NOS1AP: variants seen among roughly 807,000 people sequenced by gnomAD.
The protein encoded by NOS1AP is carboxyl-terminal PDZ ligand of neuronal nitric oxide synthase protein.
Under a neutral mutation model 56.2 loss-of-function variants are expected in NOS1AP, and 21 were observed. The ratio of observed to expected loss-of-function variants is 0.37; its 90% confidence interval spans 0.26 to 0.54. The LOEUF is 0.54. NOS1AP is among the 20% of genes least tolerant of loss of function. The pLI is 0.84. For missense variants in NOS1AP, 522 were observed against 657.8 expected (o/e 0.79, Z 2.26); for synonymous variants, 270 against 274.6 (o/e 0.98, Z 0.17).
At chr1:162,211,551 A>AT (rs1652348159) in intron 2 of NOS1AP, among the ~76,000 whole-genome samples, 3 of 152,162 alleles carry the variant, frequency 2.0e-5, no homozygotes, top group Admixed American at 2.0e-4. Context: ...AATACAATCT[A>AT]TAGCACTTAT....
At chr1:162,307,860 T>G (rs1655890732) in intron 4 of NOS1AP, among the ~76,000 whole-genome samples, 1 of 152,120 alleles carries the variant, frequency 6.6e-6, no homozygotes, top group Non-Finnish European at 1.5e-5. Flanking sequence ...AACTTTGGCT[T>G]TCTACATTGA....
intron 1 of NOS1AP, among the ~76,000 whole-genome samples, chr1:162,146,293 C>T (rs570362033): frequency 1.3e-5 from 2 of 152,116 alleles, no homozygotes; most frequent in East Asian, 3.9e-4. Context: ...TCTGCCTCCT[C>T]TGAGGTGGGG....
rs536450943 is a variant in NOS1AP at position 162,135,638 on chromosome 1, C to A, written c.106-18767C>A. 1.9e-4 allele frequency among the ~76,000 whole-genome samples: 29 copies of A among 152,304 alleles called. 1 individual carries two copies. Among genetic ancestry groups the A allele is most frequent in the African/African-American group, 6.7e-4 (28 of 41,562 alleles). On this transcript the variant is annotated intron_variant, in intron 1 of 9. Coordinates refer to ENST00000361897, the MANE Select transcript of NOS1AP (RefSeq NM_014697.3). The stretch of plus-strand genomic sequence containing the variant: ...GTTTGCGTTGTAATACAATTACTCT[C>A]ACCATCTGGGGTTCTGCCTTAAAGC...
chr1:162,136,664 T>C (rs988931357), intron 1 of NOS1AP, among the ~76,000 whole-genome samples: 1 of 152,218 alleles, frequency 6.6e-6, no homozygotes, highest in Non-Finnish European at 1.5e-5. Context: ...GGGTACTCTC[T>C]ACCTTTCATG....
At chr1:162,271,719 C>T (rs1196660888) in intron 2 of NOS1AP, among the ~76,000 whole-genome samples, 1 of 152,090 alleles carries the variant, frequency 6.6e-6, no homozygotes, top group Non-Finnish European at 1.5e-5. Context: ...GCTTGGGCTT[C>T]TATAAAAGAA....
At chr1:162,257,743 AGAG>A (rs1192722416) in intron 2 of NOS1AP, among the ~76,000 whole-genome samples, 4 of 152,128 alleles carry the variant, frequency 2.6e-5, no homozygotes, top group African/African-American at 4.8e-5. Flanking sequence ...AGTCGAGGGA[AGAG>A]GAGAAGTGTC....
At chr1:162,305,187 CA>C (rs1450634690) in intron 4 of NOS1AP, among the ~76,000 whole-genome samples, 3 of 152,074 alleles carry the variant, frequency 2.0e-5, no homozygotes, top group Non-Finnish European at 4.4e-5. Context: ...GCATACAAAT[CA>C]GTGGCATTAA....
intron 2 of NOS1AP, among the ~76,000 whole-genome samples, chr1:162,170,816 C>T (rs73026970): frequency 0.043 from 6,492 of 152,004 alleles, 291 homozygotes; most frequent in African/African-American, 0.11. Context: ...TGGTGTGCAC[C>T]TGTAGTCCCA....
chr1:162,303,749 G>A (rs2101757403), intron 4 of NOS1AP, among the ~76,000 whole-genome samples: 1 of 152,190 alleles, frequency 6.6e-6, no homozygotes, highest in East Asian at 1.9e-4. Context: ...GCCTTCTCTT[G>A]ATCTTACATG....
At chr1:162,190,664 A>G (rs554734681) in intron 2 of NOS1AP, among the ~76,000 whole-genome samples, 1 of 152,122 alleles carries the variant, frequency 6.6e-6, no homozygotes, top group Admixed American at 6.5e-5. Context: ...ATTATTGTTA[A>G]CTATAGTTAT....
intron 4 of NOS1AP, among the ~76,000 whole-genome samples, chr1:162,328,202 G>A (rs763416157): frequency 2.0e-5 from 3 of 152,150 alleles, no homozygotes; most frequent in African/African-American, 7.2e-5. Context: ...AAAAATGAAA[G>A]GAGTGCAGAG....
At chr1:162,162,218 G>T (rs1003480286) in intron 2 of NOS1AP, among the ~76,000 whole-genome samples, 5 of 152,132 alleles carry the variant, frequency 3.3e-5, no homozygotes, top group Non-Finnish European at 5.9e-5. Flanking sequence ...TTCTGTAAGG[G>T]TTATGCCCTG....
intron 2 of NOS1AP, among the ~76,000 whole-genome samples, chr1:162,166,390 G>T (rs974075424): frequency 4.6e-5 from 7 of 152,230 alleles, no homozygotes; most frequent in African/African-American, 1.7e-4. Context: ...TGTGCCTTGT[G>T]CCCTGAGTAT....
intron 4 of NOS1AP, among the ~76,000 whole-genome samples, chr1:162,328,014 T>C (rs1305151759): frequency 6.6e-6 from 1 of 152,206 alleles, no homozygotes; most frequent in Non-Finnish European, 1.5e-5. Flanking sequence ...TGAAGGATTA[T>C]GTAACTGAGT....
intron 4 of NOS1AP, among the ~76,000 whole-genome samples, chr1:162,330,200 G>A (rs1035382963): frequency 6.6e-6 from 1 of 152,176 alleles, no homozygotes; most frequent in South Asian, 2.1e-4. Flanking sequence ...AACTGGATCT[G>A]ACTTCCTTGG....
At chr1:162,094,240 G>T (rs1056783374) in intron 1 of NOS1AP, among the ~76,000 whole-genome samples, 2 of 152,150 alleles carry the variant, frequency 1.3e-5, no homozygotes, top group Admixed American at 1.3e-4. Flanking sequence ...TTGTGTGCTG[G>T]AGTGGTCTTC....
intron 2 of NOS1AP, among the ~76,000 whole-genome samples, chr1:162,173,697 T>A (rs1194838984): frequency 2.0e-5 from 3 of 152,064 alleles, no homozygotes; most frequent in African/African-American, 7.2e-5. Flanking sequence ...GAATCTACAA[T>A]GAACTCAAAC....
intron 4 of NOS1AP, among the ~76,000 whole-genome samples, chr1:162,302,923 T>C (rs1391265196): frequency 6.6e-6 from 1 of 152,184 alleles, no homozygotes; most frequent in East Asian, 1.9e-4. Flanking sequence ...TATATCCTCT[T>C]TTTTGGGAGG....
chr1:162,213,880 A>T lies in NOS1AP; in HGVS notation c.177+59404A>T, dbSNP rs376020575. Among the ~76,000 whole-genome samples, 11 of 152,306 alleles carry T rather than the reference A, an allele frequency of 7.2e-5. No individual in the cohort carries two copies. In the South Asian group the frequency reaches 2.3e-3, roughly 32 times the overall value. On this transcript the variant is annotated intron_variant, in intron 2 of 9. Transcript: ENST00000361897. ...AAATAGCCAGCTCATTTCTCCTATA[A>T]ATTAAAATGAAGGAACCTCATCCGC... is the stretch of plus-strand genomic sequence containing the variant.
Sources: allele counts gnomAD v4.1 joint callset (sites outside exome capture counted in the v4.1 genomes callset), GRCh38; gene constraint gnomAD v4.1.1; transcripts MANE v1.5; gene names NCBI Gene and HGNC (gene_info 2026-07-23, HGNC 2026-07-21).